Variants in CLASP2 observed in about 807,000 individuals in gnomAD.
The protein encoded by CLASP2 is CLIP-associating protein 2.
CLASP2 carries 47 observed loss-of-function variants against 194.4 expected under a neutral mutation model. The observed-to-expected ratio is 0.24, with a 90% CI of 0.19 to 0.31. The LOEUF (loss-of-function observed/expected upper bound fraction) is 0.31. Among genes scored for constraint, CLASP2 ranks in the 10% least tolerant of loss-of-function variants. The probability of loss-of-function intolerance (pLI) is 1.00; values close to 1 mark genes in which losing one functional copy is unlikely to be tolerated. For synonymous variants in CLASP2, 619 were observed against 633.5 expected (o/e 0.98, Z 0.34); for missense variants, 1,445 against 1,823.6 (o/e 0.79, Z 3.78).
intron 9 of CLASP2, among the ~76,000 whole-genome samples, chr3:33,628,014 C>A (rs933327878): frequency 6.6e-6 from 1 of 152,056 alleles, no homozygotes; most frequent in East Asian, 1.9e-4. Context: ...TATTGTTGAC[C>A]ATGGAAGGAG....
chr3:33,534,625 A>T (rs1229341572), intron 34 of CLASP2, among the ~76,000 whole-genome samples: 1 of 152,154 alleles, frequency 6.6e-6, no homozygotes, highest in African/African-American at 2.4e-5. Context: ...TTTTTATACA[A>T]CTTACCTGCA....
rs922773794 is a variant in CLASP2 at position 33,505,717 on chromosome 3, G to A, written c.4318-3949C>T. Among the ~76,000 whole-genome samples, 73 of 152,248 alleles carry A rather than the reference G, an allele frequency of 4.8e-4. 1 individual carries two copies. Among genetic ancestry groups the A allele is most frequent in the African/African-American group, 1.8e-3 (73 of 41,538 alleles). ...GATCAATCTTAACATCACTGAAGGC[G>A]GGACAACTAGACATTATGTGTCATT... is the stretch of plus-strand genomic sequence containing the variant. On this transcript the variant is annotated intron_variant, in intron 37 of 38. Transcript: ENST00000682230.
intron 4 of CLASP2, among the ~76,000 whole-genome samples, 152 bp downstream of exon 4, chr3:33,688,125 C>G (rs1430420753): frequency 3.3e-5 from 5 of 151,932 alleles, no homozygotes; most frequent in African/African-American, 1.2e-4. Context: ...ATAACATACA[C>G]AAAAAATGAA....
intron 6 of CLASP2, among the ~76,000 whole-genome samples, chr3:33,667,149 T>A (rs889215440): frequency 9.9e-5 from 15 of 152,202 alleles, no homozygotes; most frequent in African/African-American, 3.4e-4. Flanking sequence ...CGGTGGCTCA[T>A]GCCTGTAATC....
chr3:33,640,534 A>G (rs1575148694), intron 8 of CLASP2, among the ~76,000 whole-genome samples: 1 of 152,098 alleles, frequency 6.6e-6, no homozygotes, highest in Admixed American at 6.6e-5. Context: ...ACTTGAATGA[A>G]TGAGTGAGTG....
intron 6 of CLASP2, among the ~76,000 whole-genome samples, chr3:33,680,227 C>T (rs558158509): frequency 6.6e-5 from 10 of 152,248 alleles, no homozygotes; most frequent in South Asian, 6.2e-4. Flanking sequence ...TGAAACATTA[C>T]GGATTTTTAA....
At chr3:33,573,854 ATTCCTTCC>A (rs1479390890) in intron 24 of CLASP2, among the ~76,000 whole-genome samples, 1 of 152,096 alleles carries the variant, frequency 6.6e-6, no homozygotes, top group Non-Finnish European at 1.5e-5. Context: ...TCTTGCCACT[ATTCCTTCC>A]CTTGTACCCA....
chr3:33,566,553 G>C (rs2062769354), intron 27 of CLASP2, among the ~76,000 whole-genome samples, 179 bp downstream of exon 27: 1 of 152,210 alleles, frequency 6.6e-6, no homozygotes, highest in East Asian at 1.9e-4. Flanking sequence ...AGATTAATTA[G>C]TAGATTAAAA....
At chr3:33,585,515 T>A (rs959483753) in intron 21 of CLASP2, among the ~76,000 whole-genome samples, 1 of 152,230 alleles carries the variant, frequency 6.6e-6, no homozygotes, top group Admixed American at 6.5e-5. Context: ...TGGTAAATAT[T>A]TGTGTATCTA....
At chr3:33,636,291 G>A (rs2080121971) in intron 8 of CLASP2, among the ~76,000 whole-genome samples, 1 of 151,900 alleles carries the variant, frequency 6.6e-6, no homozygotes, top group Admixed American at 6.6e-5. Flanking sequence ...CTGGCCCCAC[G>A]GAATCTACTT....
At position 33,543,523 on chromosome 3, in the gene CLASP2, G is replaced by A. The variant is rs1309299486; in HGVS notation, c.3314C>T (p.Pro1105Leu). ...TGATCGTGGTGTTGGTCTTGTCAAAGGACTCCCCATGGAACTCTGATGAAG... is the reference window on the plus strand; with the variant it reads ...TGATCGTGGTGTTGGTCTTGTCAAAAGACTCCCCATGGAACTCTGATGAAG... ...GNGTQSSMGS[P>L]LTRPTPRSPA... Residue 1105 changes from proline (P) to leucine (L), a missense_variant, in exon 32 of 39, where the codon CCT (proline) becomes CTT (leucine). Pro to Leu is a moderately conservative substitution (Grantham distance 98, BLOSUM62 -3). This residue lies in a region of CLASP2 where 732 missense variants were observed against 987.9 expected (regional missense o/e 0.74). Transcript: ENST00000682230. 1.2e-6 allele frequency: 2 copies of A among 1,611,170 alleles called. No individual in the cohort carries two copies. Among genetic ancestry groups the A allele is most frequent in the Non-Finnish European group, 1.7e-6 (2 of 1,177,434 alleles).
In CLASP2 at chr3:33,551,380, G is replaced by C; in HGVS notation, c.3025C>G (p.Leu1009Val). 2 of 1,613,338 alleles carry C rather than the reference G, an allele frequency of 1.2e-6. No individual in the cohort carries two copies. Among genetic ancestry groups the C allele is most frequent in the Non-Finnish European group, 1.7e-6 (2 of 1,179,540 alleles). The change falls in exon 30 of 39, where the codon CTT (leucine) becomes GTT (valine). Residue 1009 changes from leucine (L) to valine (V), a missense_variant. Around this residue, in one of 4 missense-constraint regions of CLASP2, gnomAD observed 732 missense variants for 987.9 expected, o/e 0.74. Coordinates refer to ENST00000682230, the MANE Select transcript of CLASP2 (RefSeq NM_001365631.1). ...TPSLKVKVAI[L>V]KYIETLAKQM... Reference sequence around the variant, plus strand: ...TTGGCCAGAGTTTCTATGTATTTAAGGATAGCAACCTTCACCTGCAGAGGA... The same window carrying C: ...TTGGCCAGAGTTTCTATGTATTTAACGATAGCAACCTTCACCTGCAGAGGA...
intron 1 of CLASP2, among the ~76,000 whole-genome samples, chr3:33,710,196 C>T (rs539002680): frequency 4.9e-4 from 75 of 152,168 alleles, no homozygotes; most frequent in Admixed American, 9.2e-4. Flanking sequence ...CCCTTGGTAC[C>T]CAGAACACAA....
chr3:33,602,306 G>C (rs1282664487), intron 18 of CLASP2: 10 of 512,906 alleles, frequency 1.9e-5, no homozygotes, highest in African/African-American at 3.9e-5. Flanking sequence ...TGCTCAAAAA[G>C]TTTCAGATTT....
chr3:33,581,015 C>CAAAAAAAAAAAAAAAAAAA (rs34304858), intron 23 of CLASP2, among the ~76,000 whole-genome samples: 16 of 57,572 alleles, frequency 2.8e-4, no homozygotes, highest in Non-Finnish European at 3.6e-4. Context: ...GACTCCGTCT[C>CAAAAAAAAAAAAAAAAAAA]AAAAAAAAAA....
At chr3:33,588,849 TAAAAAACCCTAAGGCAAAA>T in intron 21 of CLASP2, 1 of 629,364 alleles carries the variant, frequency 1.6e-6, no homozygotes, top group Non-Finnish European at 2.8e-6. Flanking sequence ...CTCAGAAAAT[TAAAAAACCCTAAGGCAAAA>T]AAAGCAAACT....
chr3:33,718,156 G>T lies in CLASP2; in HGVS notation c.-154C>A. 1 of 667,326 alleles carries T rather than the reference G, an allele frequency of 1.5e-6. No individual in the cohort carries two copies. Among genetic ancestry groups the T allele is most frequent in the Non-Finnish European group, 2.2e-6 (1 of 446,416 alleles). The allele number at this position is 667,326 out of a possible 1,614,324, so 41.3% of individuals were successfully genotyped here. On this transcript the variant is annotated 5_prime_UTR_variant, in exon 1 of 39. Coordinates refer to ENST00000682230, the MANE Select transcript of CLASP2 (RefSeq NM_001365631.1). ...GGGCGCAGCGGGCGGCGGGAGGAACGCCAAGCGCCCAGCCGCCCCCAAACT... is the reference window on the plus strand; with the variant it reads ...GGGCGCAGCGGGCGGCGGGAGGAACTCCAAGCGCCCAGCCGCCCCCAAACT...
intron 36 of CLASP2, among the ~76,000 whole-genome samples, chr3:33,515,041 A>G (rs1219967640): frequency 6.6e-6 from 1 of 152,144 alleles, no homozygotes; most frequent in Non-Finnish European, 1.5e-5. Flanking sequence ...AAGGTATAAA[A>G]TGATACAATG....
chr3:33,665,384 G>T (rs1156932489), intron 6 of CLASP2, among the ~76,000 whole-genome samples: 2 of 151,284 alleles, frequency 1.3e-5, no homozygotes, highest in Non-Finnish European at 2.9e-5. Context: ...GGAGGGGAGG[G>T]GAAAAGAAGA....
Sources: allele counts gnomAD v4.1 joint callset (sites outside exome capture counted in the v4.1 genomes callset), GRCh38; gene constraint gnomAD v4.1.1; regional missense constraint gnomAD v4.1.1; transcripts MANE v1.5; gene names NCBI Gene and HGNC (gene_info 2026-07-23, HGNC 2026-07-21).